The following GABRG3 variants were observed in gnomAD, a reference collection of about 807,000 sequenced individuals.
GABRG3 encodes the protein gamma-aminobutyric acid receptor subunit gamma-3.
In GABRG3, 25 loss-of-function variants were observed where a neutral mutation model predicts 48.8. The ratio of observed to expected loss-of-function variants is 0.51; its 90% confidence interval spans 0.37 to 0.72. The LOEUF (loss-of-function observed/expected upper bound fraction) is 0.72. Among genes scored for constraint, GABRG3 ranks in the 30% least tolerant of loss-of-function variants. The pLI is 0.00. For missense variants in GABRG3, 394 were observed against 577.9 expected (o/e 0.68, Z 3.26); for synonymous variants, 227 against 217.6 (o/e 1.04, Z -0.38).
intron 5 of GABRG3, among the ~76,000 whole-genome samples, chr15:27,459,582 G>A (rs1051029934): frequency 1.3e-5 from 2 of 152,002 alleles, no homozygotes; most frequent in Non-Finnish European, 2.9e-5. Context: ...TACCTGAAAA[G>A]GATGATTATA....
chr15:27,340,646 G>C (rs1194230709), intron 5 of GABRG3: 1 of 154,078 alleles, frequency 6.5e-6, no homozygotes, highest in African/African-American at 2.4e-5. Context: ...TTCCATAAAG[G>C]AAAAACTGAA....
At chr15:27,278,330 G>C (rs188334254) in intron 3 of GABRG3, among the ~76,000 whole-genome samples, 2 of 152,208 alleles carry the variant, frequency 1.3e-5, no homozygotes, top group South Asian at 4.2e-4. Context: ...AATTACAGGC[G>C]TGAGCCACTG....
At chr15:27,228,197 G>A (rs1358301955) in intron 3 of GABRG3, among the ~76,000 whole-genome samples, 1 of 152,152 alleles carries the variant, frequency 6.6e-6, no homozygotes, top group East Asian at 1.9e-4. Flanking sequence ...GTTCCCAATA[G>A]TTGTCTTTTC....
At chr15:27,093,352 G>A (rs1897223127) in intron 3 of GABRG3, among the ~76,000 whole-genome samples, 1 of 152,160 alleles carries the variant, frequency 6.6e-6, no homozygotes, top group Admixed American at 6.5e-5. Flanking sequence ...ATGGGATGAT[G>A]ATGATAATAG....
In GABRG3 at chr15:27,075,565, A is replaced by G. The variant is rs554510678; in HGVS notation, c.270+48744A>G. 9.2e-5 allele frequency among the ~76,000 whole-genome samples: 14 copies of G among 152,244 alleles called. No individual in the cohort carries two copies. In the East Asian group the frequency reaches 2.7e-3, roughly 29 times the overall value. ...GAACTCTTTCCATATTGTTTATATA[A>G]GAAATTCATTCTGCCCTCTGAATAA... On this transcript the variant is annotated intron_variant, in intron 3 of 9. Coordinates refer to ENST00000615808, the MANE Select transcript of GABRG3 (RefSeq NM_033223.5).
intron 2 of GABRG3, 97 bp from the exon 3 acceptor site, chr15:27,026,657 C>T: frequency 1.4e-6 from 1 of 705,136 alleles, no homozygotes; most frequent in Non-Finnish European, 2.3e-6. Context: ...TCCACCATGT[C>T]CTTGTGATGC....
chr15:27,422,344 A>T (rs1469635036), intron 5 of GABRG3: 1 of 152,538 alleles, frequency 6.6e-6, no homozygotes, highest in East Asian at 1.9e-4. Flanking sequence ...TAAGATATCC[A>T]TGGGAATGGG....
At chr15:27,231,464 A>G (rs1420009240) in intron 3 of GABRG3, among the ~76,000 whole-genome samples, 1 of 152,202 alleles carries the variant, frequency 6.6e-6, no homozygotes, top group Admixed American at 6.5e-5. Context: ...GAAGAGGAGC[A>G]GGAGGCAGAA....
intron 3 of GABRG3, among the ~76,000 whole-genome samples, chr15:27,203,720 A>G (rs1227334626): frequency 6.6e-6 from 1 of 152,100 alleles, no homozygotes; most frequent in Admixed American, 6.5e-5. Flanking sequence ...TGACTTTTTA[A>G]TAACAGCCAA....
chr15:27,346,961 A>G (rs1261011315), intron 5 of GABRG3, among the ~76,000 whole-genome samples: 1 of 151,330 alleles, frequency 6.6e-6, no homozygotes, highest in Non-Finnish European at 1.5e-5. Flanking sequence ...GTCTCTTTAC[A>G]TTGATTTTTG....
At chr15:27,430,961 G>A (rs1385588956) in intron 5 of GABRG3, among the ~76,000 whole-genome samples, 3 of 151,732 alleles carry the variant, frequency 2.0e-5, no homozygotes, top group African/African-American at 7.3e-5. Context: ...CTGTGCTCCA[G>A]CCTGGGTGAC....
At chr15:27,149,311 A>T (rs1435686577) in intron 3 of GABRG3, among the ~76,000 whole-genome samples, 1 of 151,194 alleles carries the variant, frequency 6.6e-6, no homozygotes, top group Non-Finnish European at 1.5e-5. Context: ...GTATACTAGG[A>T]ACTAAAATAT....
chr15:27,029,913 C>T (rs1896053552), intron 3 of GABRG3, among the ~76,000 whole-genome samples: 1 of 152,190 alleles, frequency 6.6e-6, no homozygotes, highest in African/African-American at 2.4e-5. Flanking sequence ...AAGGGCATCT[C>T]ACATTGCCGA....
rs913581947 is a variant in GABRG3 at position 27,288,292 on chromosome 15, A to G, written c.271-38517A>G. On this transcript the variant is annotated intron_variant, in intron 3 of 9. Coordinates refer to ENST00000615808, the MANE Select transcript of GABRG3 (RefSeq NM_033223.5). ...TTTCAGGATGATTCAAGCACATTAC[A>G]TTCATTGTGTACTTTATTTCTATTA... 6.6e-5 allele frequency among the ~76,000 whole-genome samples: 10 copies of G among 152,086 alleles called. No individual in the cohort carries two copies. The South Asian group carries it at 8.3e-4, about 13-fold the overall frequency.
At chr15:27,428,689 G>A (rs1888363446) in intron 5 of GABRG3, among the ~76,000 whole-genome samples, 1 of 152,214 alleles carries the variant, frequency 6.6e-6, no homozygotes, top group Admixed American at 6.5e-5. Context: ...AGACAAAAAT[G>A]AAGCAGAGAC....
At chr15:27,102,942 A>G (rs1897386544) in intron 3 of GABRG3, among the ~76,000 whole-genome samples, 1 of 152,254 alleles carries the variant, frequency 6.6e-6, no homozygotes, top group Admixed American at 6.5e-5. Flanking sequence ...TGCCATTGAT[A>G]AAAATGATGT....
At chr15:27,067,670 G>A (rs532642116) in intron 3 of GABRG3, among the ~76,000 whole-genome samples, 1 of 152,258 alleles carries the variant, frequency 6.6e-6, no homozygotes, top group South Asian at 2.1e-4. Flanking sequence ...TTCAGGCCCC[G>A]ATTTTGGGGA....
intron 3 of GABRG3, among the ~76,000 whole-genome samples, chr15:27,239,304 C>CATACAAGTG (rs1183977617): frequency 2.0e-5 from 3 of 152,200 alleles, no homozygotes; most frequent in African/African-American, 7.2e-5. Flanking sequence ...TGTTATGAGG[C>CATACAAGTG]ATACAAGTGT....
chr15:27,153,217 T>A (rs1384704089), intron 3 of GABRG3, among the ~76,000 whole-genome samples: 3 of 152,238 alleles, frequency 2.0e-5, no homozygotes, highest in South Asian at 2.1e-4. Flanking sequence ...TTTTTGCTTA[T>A]GAATATCTCA....
Sources: allele counts gnomAD v4.1 joint callset (sites outside exome capture counted in the v4.1 genomes callset), GRCh38; gene constraint gnomAD v4.1.1; transcripts MANE v1.5; gene names NCBI Gene and HGNC (gene_info 2026-07-23, HGNC 2026-07-21).